Variants in MTFR1 observed in about 807,000 individuals in gnomAD.
MTFR1 encodes the protein chondrocyte protein with a poly-proline region.
Under a neutral mutation model 38.8 loss-of-function variants are expected in MTFR1, and 28 were observed. The observed-to-expected ratio is 0.72, with a 90% CI of 0.53 to 0.99. The LOEUF is 0.99. Among genes scored for constraint, MTFR1 ranks in the 50% least tolerant of loss-of-function variants. MTFR1 has a pLI of 0.00. For synonymous variants in MTFR1, 145 were observed against 137.0 expected (o/e 1.06, Z -0.41); for missense variants, 358 against 395.5 (o/e 0.91, Z 0.81).
intron 1 of MTFR1, among the ~76,000 whole-genome samples, chr8:65,649,765 T>A (rs928910886): frequency 3.3e-5 from 5 of 152,172 alleles, no homozygotes; most frequent in African/African-American, 1.2e-4. Flanking sequence ...TTTGTATGCA[T>A]TAACCATCCC....
chr8:65,722,557 A>G (rs1386264678), intron 3 of MTFR1: 2 of 151,542 alleles, frequency 1.3e-5, no homozygotes, highest in Non-Finnish European at 2.9e-5. Context: ...CCAAAATTAC[A>G]CTCCTCCCTC....
At chr8:65,767,119 T>A (rs973346116) in intron 3 of MTFR1, among the ~76,000 whole-genome samples, 49 of 152,294 alleles carry the variant, frequency 3.2e-4, no homozygotes, top group African/African-American at 9.4e-4. Context: ...AAGAATTAGA[T>A]CCTTTATTTG....
chr8:65,738,361 G>T (rs1253504286), intron 3 of MTFR1, among the ~76,000 whole-genome samples: 3 of 152,144 alleles, frequency 2.0e-5, no homozygotes, highest in Admixed American at 6.5e-5. Flanking sequence ...CCCAAAATAT[G>T]CTGCTTTGGA....
chr8:65,671,396 A>C (rs1000767326), intron 2 of MTFR1, among the ~76,000 whole-genome samples: 9 of 152,066 alleles, frequency 5.9e-5, no homozygotes, highest in Non-Finnish European at 1.2e-4. Flanking sequence ...TTAGCTGGGC[A>C]TGGTGACACG....
intron 3 of MTFR1, among the ~76,000 whole-genome samples, chr8:65,732,251 G>C (rs910076477): frequency 9.2e-5 from 14 of 151,724 alleles, no homozygotes; most frequent in African/African-American, 2.9e-4. Context: ...CACCAGCCTC[G>C]GCCTCCCAAA....
intron 2 of MTFR1, among the ~76,000 whole-genome samples, chr8:65,671,615 A>T (rs942298450): frequency 8.6e-5 from 13 of 151,970 alleles, no homozygotes; most frequent in African/African-American, 3.1e-4. Context: ...TAGTAATGAC[A>T]GCAAAAGTTT....
Position 65,648,835 on chromosome 8 carries a change from T to G in MTFR1, c.-81+4051T>G, listed in dbSNP as rs1316879280. Among the ~76,000 whole-genome samples, 3 of 152,312 alleles carry G rather than the reference T, an allele frequency of 2.0e-5. No individual in the cohort carries two copies. In the East Asian group the frequency reaches 5.8e-4, roughly 29 times the overall value. On this transcript the variant is annotated intron_variant, in intron 1 of 7. Coordinates refer to ENST00000262146, the MANE Select transcript of MTFR1 (RefSeq NM_014637.4). ...AGATCTTTTTAAACATTTAAGATTT[T>G]TTTTTAGGGACAGAGTCTTTCTTTG...
At chr8:65,712,206 A>G (rs114190494), downstream of MTFR1, among the ~76,000 whole-genome samples, 223 of 152,348 alleles carry the variant, frequency 1.5e-3, no homozygotes, top group African/African-American at 5.2e-3. Flanking sequence ...GTGAAAAAGG[A>G]TACAGCTAGA....
At chr8:65,660,749 A>G (rs1341577269) in intron 1 of MTFR1, among the ~76,000 whole-genome samples, 1 of 152,230 alleles carries the variant, frequency 6.6e-6, no homozygotes, top group Non-Finnish European at 1.5e-5. Context: ...CTGTTTAAGA[A>G]AGGAGTAAAA....
chr8:65,674,769 TGCCAGTGCTTACTGTG>T (rs1434750414), intron 2 of MTFR1, among the ~76,000 whole-genome samples: 1 of 152,212 alleles, frequency 6.6e-6, no homozygotes, highest in African/African-American at 2.4e-5. Flanking sequence ...TGGCTTACTA[TGCCAGTGCTTACTGTG>T]GCCAGTGCTT....
At chr8:65,667,800 T>C (rs1034211735) in intron 1 of MTFR1, among the ~76,000 whole-genome samples, 2 of 152,198 alleles carry the variant, frequency 1.3e-5, no homozygotes, top group South Asian at 4.1e-4. Context: ...TCAAGGTTTG[T>C]CTAATAGGAT....
intron 3 of MTFR1, among the ~76,000 whole-genome samples, chr8:65,720,107 G>A (rs1806312562): frequency 6.6e-6 from 1 of 152,296 alleles, no homozygotes; most frequent in Non-Finnish European, 1.5e-5. Context: ...GTGTACCAGA[G>A]ACCTATTTTA....
chr8:65,729,906 G>C (rs1563473469), intron 3 of MTFR1, among the ~76,000 whole-genome samples: 1 of 151,938 alleles, frequency 6.6e-6, no homozygotes, highest in Non-Finnish European at 1.5e-5. Flanking sequence ...TGTCCATCCT[G>C]AGAAATTACT....
intron 3 of MTFR1, chr8:65,689,577 C>T (rs2129055383): frequency 3.1e-6 from 4 of 1,274,624 alleles, no homozygotes; most frequent in Non-Finnish European, 4.1e-6. Context: ...TGTAGTAGGA[C>T]AGGACCTTGC....
chr8:65,771,041 T>C, exon 4 of MTFR1: 1 of 385,024 alleles, frequency 2.6e-6, no homozygotes, highest in Non-Finnish European at 5.1e-6. Context: ...ATAAGGACTA[T>C]GACAAAAACA....
chr8:65,659,519 C>A (rs1054285402), intron 1 of MTFR1, among the ~76,000 whole-genome samples: 1 of 150,968 alleles, frequency 6.6e-6, no homozygotes, highest in Non-Finnish European at 1.5e-5. Flanking sequence ...TCTGAGCTGA[C>A]CTGATTGGCT....
chr8:65,645,705 C>T (rs12680947), intron 1 of MTFR1, among the ~76,000 whole-genome samples: 3 of 114,402 alleles, frequency 2.6e-5, no homozygotes, highest in South Asian at 1.0e-3. Context: ...CCCCCCCCCC[C>T]CTTTGTAGAG....
At position 65,735,168 on chromosome 8, in the gene MTFR1, A is replaced by C. The variant is rs535864904; in HGVS notation, c.*48+15687A>C. Among the ~76,000 whole-genome samples, 3 of 152,318 alleles carry C rather than the reference A, an allele frequency of 2.0e-5. No individual in the cohort carries two copies. The East Asian group carries it at 5.8e-4, about 29-fold the overall frequency. ...CAACCTACTTGACAGCCCTAGCAGC[A>C]TAACACACAAATCCAGTGGTCTCAA... is the stretch of plus-strand genomic sequence containing the variant. On this transcript the variant is annotated intron_variant, in intron 3 of 3. Coordinates refer to the MTFR1 transcript ENST00000521247.
intron 1 of MTFR1, among the ~76,000 whole-genome samples, chr8:65,663,885 C>G (rs557028392): frequency 2.1e-5 from 3 of 141,018 alleles, no homozygotes; most frequent in African/African-American, 8.1e-5. Flanking sequence ...AGTGCAGTGG[C>G]GCCACCTCGG....
Sources: gnomAD v4.1 joint callset for allele counts (sites outside exome capture counted in the v4.1 genomes callset) on GRCh38, gnomAD v4.1.1 for gene constraint, MANE v1.5 for transcripts, NCBI Gene and HGNC (gene_info 2026-07-23, HGNC 2026-07-21) for gene names.